The following SPATA31F3 variants were observed in gnomAD, a reference collection of about 807,000 sequenced individuals.
SPATA31F3 encodes the protein protein SPATA31F3.
At chr9:34,892,509 A>G in the SPATA31F3 span, 34 of 407,362 alleles carry the variant, frequency 8.3e-5, no homozygotes, top group Non-Finnish European at 5.6e-5. Flanking sequence ...ATGTGCAACA[A>G]TATCCCACTT....
chr9:34,889,469 A>G, the SPATA31F3 span: 4 of 398,502 alleles, frequency 1.0e-5, no homozygotes, highest in Non-Finnish European at 1.8e-5. Flanking sequence ...CCCACACATG[A>G]TCTTTGGTGA....
At chr9:34,893,698 A>T in the SPATA31F3 span, among the ~76,000 whole-genome samples, 1 of 152,078 alleles carries the variant, frequency 6.6e-6, no homozygotes, top group East Asian at 1.9e-4. Context: ...GCTTCAGACG[A>T]CCCATGGGAG....
At chr9:34,889,102 C>T in the SPATA31F3 span, 2 of 398,476 alleles carry the variant, frequency 5.0e-6, no homozygotes, top group African/African-American at 4.1e-5. Context: ...GGAGAATGCC[C>T]TGCTTCACCT....
At chr9:34,892,782 A>T in the SPATA31F3 span, 1 of 577,704 alleles carries the variant, frequency 1.7e-6, no homozygotes, top group Non-Finnish European at 3.1e-6. Context: ...GGGACTTGAG[A>T]TCTCTGTCCT....
the SPATA31F3 span, among the ~76,000 whole-genome samples, chr9:34,894,791 A>G: frequency 6.6e-6 from 1 of 152,222 alleles, no homozygotes; most frequent in African/African-American, 2.4e-5. Flanking sequence ...AGTAAATGAC[A>G]GAGTTGAGGA....
At chr9:34,890,691 T>C in the SPATA31F3 span, among the ~76,000 whole-genome samples, 1 of 152,234 alleles carries the variant, frequency 6.6e-6, no homozygotes, top group Admixed American at 6.5e-5. Flanking sequence ...TGTGTGGAGA[T>C]ATTCTTTGGG....
At chr9:34,893,321 C>T in the SPATA31F3 span, among the ~76,000 whole-genome samples, 1 of 152,142 alleles carries the variant, frequency 6.6e-6, no homozygotes, top group Non-Finnish European at 1.5e-5. Flanking sequence ...TATTTGGAGG[C>T]TGGACATAGT....
the SPATA31F3 span, chr9:34,889,134 T>C: frequency 5.0e-6 from 2 of 398,630 alleles, no homozygotes; most frequent in Admixed American, 4.4e-5. Context: ...GAAATGGCAA[T>C]GAAAGCCTTT....
At chr9:34,889,189 T>A in the SPATA31F3 span, 5 of 398,648 alleles carry the variant, frequency 1.3e-5, no homozygotes, top group African/African-American at 1.0e-4. Flanking sequence ...CTCCTTTTTC[T>A]TGTGATGGGT....
the SPATA31F3 span, chr9:34,893,051 A>G: frequency 1.1e-6 from 1 of 881,240 alleles, no homozygotes; most frequent in Non-Finnish European, 1.8e-6. Flanking sequence ...CTCACCTGCC[A>G]GCAATTGCTT....
At chr9:34,890,163 C>A in the SPATA31F3 span, among the ~76,000 whole-genome samples, 2 of 152,168 alleles carry the variant, frequency 1.3e-5, no homozygotes, top group African/African-American at 4.8e-5. Context: ...ATATATTTGG[C>A]AAGTTGTGAG....
the SPATA31F3 span, chr9:34,894,561 A>G: frequency 5.0e-6 from 2 of 398,432 alleles, no homozygotes; most frequent in Admixed American, 8.8e-5. Flanking sequence ...GGGACATCCT[A>G]TAAGAAGCTG....
chr9:34,892,756 G>T, the SPATA31F3 span: 2 of 503,368 alleles, frequency 4.0e-6, no homozygotes, highest in Admixed American at 3.2e-5. Flanking sequence ...GAGATCCCAT[G>T]ACCTGGGACA....
the SPATA31F3 span, chr9:34,894,618 TAAGTC>T: frequency 2.5e-6 from 1 of 397,444 alleles, no homozygotes; most frequent in Non-Finnish European, 4.4e-6. Flanking sequence ...GTCAGAACAC[TAAGTC>T]ACATCTGTGT....
At chr9:34,889,403 C>T in the SPATA31F3 span, 1 of 398,518 alleles carries the variant, frequency 2.5e-6, no homozygotes, top group African/African-American at 2.1e-5. Context: ...GGCCTTCCTC[C>T]TCAGTAGAAG....
At chr9:34,889,508 C>A in the SPATA31F3 span, 1 of 398,582 alleles carries the variant, frequency 2.5e-6, no homozygotes. Flanking sequence ...TGTTTTTTGT[C>A]CTGTCTTGGG....
the SPATA31F3 span, chr9:34,892,528 A>G: frequency 4.9e-6 from 2 of 411,010 alleles, no homozygotes; most frequent in Admixed American, 4.2e-5. Context: ...TTGTACTTGA[A>G]GATTCCTCAG....
chr9:34,891,229 CTGA>C, the SPATA31F3 span, among the ~76,000 whole-genome samples: 1 of 152,116 alleles, frequency 6.6e-6, no homozygotes, highest in Non-Finnish European at 1.5e-5. Context: ...TGTGTAGGGG[CTGA>C]TATGTGTCAC....
chr9:34,892,966 A>G, the SPATA31F3 span: 33 of 698,392 alleles, frequency 4.7e-5, no homozygotes, highest in African/African-American at 5.6e-4. Flanking sequence ...TAAAAGACAC[A>G]CTAGATGTGG....
Sources: gnomAD v4.1 joint callset for allele counts (sites outside exome capture counted in the v4.1 genomes callset) on GRCh38, gnomAD v4.1.1 for gene constraint, MANE v1.5 for transcripts, NCBI Gene and HGNC (gene_info 2026-07-23, HGNC 2026-07-21) for gene names.